The following CDH12 variants were observed in gnomAD, a reference collection of about 807,000 sequenced individuals.
CDH12 encodes cadherin-12.
In CDH12, 41 loss-of-function variants were observed where a neutral mutation model predicts 74.1. That is an observed-to-expected ratio of 0.55 (90% CI 0.43 to 0.72). The LOEUF (loss-of-function observed/expected upper bound fraction) is 0.72, where lower values mean the gene tolerates loss of function less well. Among genes scored for constraint, CDH12 ranks in the 30% least tolerant of loss-of-function variants. The pLI is 0.00. For synonymous variants in CDH12, 399 were observed against 355.0 expected (o/e 1.12, Z -1.39); for missense variants, 945 against 977.2 (o/e 0.97, Z 0.44).
intron 3 of CDH12, among the ~76,000 whole-genome samples, chr5:22,309,344 CA>C (rs1738280352): frequency 1.3e-5 from 2 of 151,754 alleles, no homozygotes; most frequent in Admixed American, 1.3e-4. Context: ...CACAGAACCA[CA>C]TAAAGAAAAA....
rs1023955252 is a variant in CDH12, at chr5:22,400,438, C to G, written c.-333+4819G>C. Among the ~76,000 whole-genome samples, 4 of 151,782 alleles carry G rather than the reference C, an allele frequency of 2.6e-5. No individual in the cohort carries two copies. The East Asian group carries it at 7.7e-4, about 29-fold the overall frequency. On this transcript the variant is annotated intron_variant, in intron 3 of 14. Coordinates refer to ENST00000382254, the MANE Select transcript of CDH12 (RefSeq NM_004061.5). ...AATATATAGAATAGAAAAATGAATA[C>G]TGTGCTTGCAGAGATTTTTTTTTAA...
At chr5:22,477,004 C>G (rs190414499) in intron 2 of CDH12, among the ~76,000 whole-genome samples, 2 of 152,044 alleles carry the variant, frequency 1.3e-5, no homozygotes, top group Non-Finnish European at 2.9e-5. Flanking sequence ...GGCCTTTTTT[C>G]TTGTAACTGG....
At chr5:21,891,281 T>C (rs750664154) in intron 6 of CDH12, among the ~76,000 whole-genome samples, 9 of 152,108 alleles carry the variant, frequency 5.9e-5, no homozygotes, top group Non-Finnish European at 1.0e-4. Context: ...GTCACCTTTT[T>C]ACATCTAACA....
intron 1 of CDH12, among the ~76,000 whole-genome samples, chr5:22,597,733 G>C (rs1332126008): frequency 6.6e-6 from 1 of 152,018 alleles, no homozygotes; most frequent in Admixed American, 6.6e-5. Flanking sequence ...CAAATACAAG[G>C]CTAAATGAGT....
At chr5:22,536,797 G>T (rs1379647997) in intron 1 of CDH12, among the ~76,000 whole-genome samples, 1 of 152,162 alleles carries the variant, frequency 6.6e-6, no homozygotes, top group African/African-American at 2.4e-5. Flanking sequence ...CAGGTTAATT[G>T]TATGAACTTT....
At chr5:22,133,168 G>A (rs1192340582) in intron 4 of CDH12, among the ~76,000 whole-genome samples, 4 of 152,070 alleles carry the variant, frequency 2.6e-5, no homozygotes, top group Non-Finnish European at 5.9e-5. Flanking sequence ...TATAAGAAAT[G>A]AGTAAAATTG....
At chr5:22,844,865 T>G (rs1305281758) in intron 1 of CDH12, among the ~76,000 whole-genome samples, 4 of 152,110 alleles carry the variant, frequency 2.6e-5, no homozygotes, top group Non-Finnish European at 4.4e-5. Context: ...CTCGGAGGGC[T>G]TTAAGATTAA....
At position 22,698,770 on chromosome 5, in the gene CDH12, G is replaced by C. The variant is rs1405095745; in HGVS notation, c.-523+154288C>G. On this transcript the variant is annotated intron_variant, in intron 1 of 14. Transcript: ENST00000382254. ...TGTGTGTGTGTGTGTGTGTGTGTGT[G>C]AAAGAGAAAGAGAAGATAATTTGAC... 6.2e-5 allele frequency among the ~76,000 whole-genome samples: 8 copies of C among 128,746 alleles called. No individual in the cohort carries two copies. The South Asian group carries it at 1.0e-3, about 16-fold the overall frequency. 84.5% of individuals were successfully genotyped at this position (128,746 alleles called of 152,430 possible). A position where few individuals can be genotyped will look rare whatever the true frequency, so the allele number is the denominator to read the frequency against.
At chr5:22,646,224 A>T (rs1339013560) in intron 1 of CDH12, among the ~76,000 whole-genome samples, 2 of 151,860 alleles carry the variant, frequency 1.3e-5, no homozygotes, top group African/African-American at 4.8e-5. Flanking sequence ...CATTTTACCT[A>T]AATTAAGGAC....
chr5:22,262,103 T>C (rs897874334), intron 3 of CDH12, among the ~76,000 whole-genome samples: 1 of 152,044 alleles, frequency 6.6e-6, no homozygotes, highest in African/African-American at 2.4e-5. Flanking sequence ...ATAATGGCAA[T>C]GTAATGCATA....
chr5:21,823,773 T>A (rs1267880987), intron 8 of CDH12, among the ~76,000 whole-genome samples: 1 of 151,924 alleles, frequency 6.6e-6, no homozygotes, highest in East Asian at 1.9e-4. Flanking sequence ...GAAAAAAAAA[T>A]GATGTTGCAC....
chr5:22,540,265 G>T lies in CDH12; in HGVS notation c.-522-34901C>A, dbSNP rs1039145179. On this transcript the variant is annotated intron_variant, in intron 1 of 14. Coordinates refer to ENST00000382254, the MANE Select transcript of CDH12 (RefSeq NM_004061.5). ...TATATATAAAGAGGATGAGTTTGTT[G>T]ATTCTATATCATTTCATTAATTAAA... Among the ~76,000 whole-genome samples, 3 of 151,902 alleles carry T rather than the reference G, an allele frequency of 2.0e-5. No homozygotes were observed. In the South Asian group the frequency reaches 6.2e-4, roughly 31 times the overall value.
intron 1 of CDH12, among the ~76,000 whole-genome samples, chr5:22,507,974 C>T (rs1381991045): frequency 2.0e-5 from 3 of 152,154 alleles, no homozygotes; most frequent in African/African-American, 7.2e-5. Flanking sequence ...CTTCCTCCTC[C>T]TTTACATTGC....
intron 6 of CDH12, among the ~76,000 whole-genome samples, chr5:21,940,473 G>A (rs1393991575): frequency 2.0e-5 from 3 of 152,140 alleles, no homozygotes; most frequent in Non-Finnish European, 4.4e-5. Flanking sequence ...AAAATTTCTT[G>A]TGACATGTAT....
intron 1 of CDH12, among the ~76,000 whole-genome samples, chr5:22,681,558 C>G (rs1176064792): frequency 6.6e-6 from 1 of 151,934 alleles, no homozygotes; most frequent in Admixed American, 6.6e-5. Flanking sequence ...TTTAAGGATG[C>G]TGCATATTAA....
chr5:21,764,887 T>C, intron 12 of CDH12, 91 bp downstream of exon 12: 1 of 1,197,368 alleles, frequency 8.4e-7, no homozygotes, highest in East Asian at 2.4e-5. Context: ...GAAAAACAAA[T>C]ATATGTGTGC....
At chr5:22,000,477 G>A (rs1445369453) in intron 5 of CDH12, among the ~76,000 whole-genome samples, 3 of 152,134 alleles carry the variant, frequency 2.0e-5, no homozygotes, top group African/African-American at 7.2e-5. Flanking sequence ...CAACTTTGGT[G>A]AACACTTTAT....
At chr5:22,144,346 C>G (rs1406007780) in intron 4 of CDH12, among the ~76,000 whole-genome samples, 5 of 152,054 alleles carry the variant, frequency 3.3e-5, no homozygotes. Flanking sequence ...TTAACTTTAT[C>G]CAACTAATAC....
intron 4 of CDH12, among the ~76,000 whole-genome samples, chr5:22,127,907 G>T (rs897208065): frequency 1.0e-3 from 154 of 152,074 alleles, no homozygotes; most frequent in Middle Eastern, 3.4e-3. Flanking sequence ...AGAAGAGCTA[G>T]ATGTGTAGGA....
Sources: allele counts gnomAD v4.1 joint callset (sites outside exome capture counted in the v4.1 genomes callset), GRCh38; gene constraint gnomAD v4.1.1; transcripts MANE v1.5; gene names NCBI Gene and HGNC (gene_info 2026-07-23, HGNC 2026-07-21).